The following USP43 variants were observed in gnomAD, a reference collection of about 807,000 sequenced individuals.
USP43 encodes ubiquitin specific peptidase 43, also known as ubiquitin carboxyl-terminal hydrolase 43.
A neutral mutation model predicts 90.7 loss-of-function variants in USP43; 33 were observed. That is an observed-to-expected ratio of 0.36 (90% CI 0.28 to 0.49). The LOEUF is 0.49. Ranked by LOEUF, USP43 falls within the 20% of genes least tolerant of loss-of-function variation. The probability of loss-of-function intolerance (pLI) is 0.98; values close to 1 mark genes in which losing one functional copy is unlikely to be tolerated. For synonymous variants in USP43, 598 were observed against 615.8 expected, an observed-to-expected ratio of 0.97 and a Z score of 0.43; for missense variants, 1,274 against 1,476.4, an observed-to-expected ratio of 0.86 and a Z score of 2.25.
At chr17:9,711,306 C>T (rs1477529037) in intron 13 of USP43, among the ~76,000 whole-genome samples, 1 of 152,160 alleles carries the variant, frequency 6.6e-6, no homozygotes, top group African/African-American at 2.4e-5. Context: ...CTGAGTAATA[C>T]AGTACTTTGG....
intron 8 of USP43, among the ~76,000 whole-genome samples, chr17:9,688,054 C>T (rs1284717676): frequency 6.6e-6 from 1 of 152,180 alleles, no homozygotes; most frequent in African/African-American, 2.4e-5. Context: ...GGCGTGATCT[C>T]GGCTCACTGC....
chr17:9,664,569 G>A (rs915642690), intron 2 of USP43, among the ~76,000 whole-genome samples: 1 of 152,140 alleles, frequency 6.6e-6, no homozygotes, highest in African/African-American at 2.4e-5. Context: ...GACTCCATGG[G>A]GGGAGTGATG....
chr17:9,697,248 A>G (rs1192036997), intron 9 of USP43, among the ~76,000 whole-genome samples: 1 of 152,062 alleles, frequency 6.6e-6, no homozygotes, highest in African/African-American at 2.4e-5. Flanking sequence ...TAAAATAAAA[A>G]AGATAAAAAT....
At chr17:9,694,531 G>A (rs953780245) in intron 9 of USP43, among the ~76,000 whole-genome samples, 1 of 152,122 alleles carries the variant, frequency 6.6e-6, no homozygotes, top group Non-Finnish European at 1.5e-5. Flanking sequence ...TCTATAATAT[G>A]ATGGATATGA....
intron 14 of USP43, among the ~76,000 whole-genome samples, chr17:9,714,612 G>A (rs1318616039): frequency 2.6e-5 from 4 of 151,658 alleles, no homozygotes; most frequent in African/African-American, 7.3e-5. Flanking sequence ...GAACCTGGGA[G>A]GTGGAGGTTG....
intron 14 of USP43, among the ~76,000 whole-genome samples, chr17:9,720,422 G>A (rs1916881983): frequency 6.7e-6 from 1 of 148,540 alleles, no homozygotes; most frequent in Admixed American, 6.8e-5. Flanking sequence ...TAGCATATCA[G>A]TTTTCAAATA....
intron 9 of USP43, 124 bp downstream of exon 9, chr17:9,693,354 A>G: frequency 1.3e-6 from 1 of 782,018 alleles, no homozygotes; most frequent in Non-Finnish European, 2.1e-6. Context: ...TTACCTCTCC[A>G]GTACCAGCCG....
intron 2 of USP43, among the ~76,000 whole-genome samples, chr17:9,659,397 G>C (rs1912488067): frequency 6.6e-6 from 1 of 152,122 alleles, no homozygotes; most frequent in South Asian, 2.1e-4. Context: ...AGTTGCTCAA[G>C]GTCACTCAAC....
chr17:9,683,091 T>C, intron 7 of USP43, 133 bp downstream of exon 7: 6 of 1,222,028 alleles, frequency 4.9e-6, no homozygotes, highest in Non-Finnish European at 6.7e-6. Context: ...GGGTCCTTTC[T>C]GATTAAGAGG....
At chr17:9,681,431 A>G (rs1345405780) in intron 6 of USP43, among the ~76,000 whole-genome samples, 2 of 113,724 alleles carry the variant, frequency 1.8e-5, no homozygotes, top group Non-Finnish European at 3.6e-5. Flanking sequence ...AAATATCTAT[A>G]TTATATATAG....
intron 9 of USP43, among the ~76,000 whole-genome samples, chr17:9,699,490 C>T (rs1567671540): frequency 6.6e-6 from 1 of 152,228 alleles, no homozygotes; most frequent in Admixed American, 6.5e-5. Context: ...CATCTGACAT[C>T]CCCCCTTTTC....
At chr17:9,696,858 G>C (rs8077594) in intron 9 of USP43, among the ~76,000 whole-genome samples, 51,777 of 152,146 alleles carry the variant, frequency 0.34, 10,666 homozygotes, top group East Asian at 0.7. Context: ...CCCTCTACTG[G>C]TGAGCCCTCC....
chr17:9,693,067 G>A, intron 8 of USP43, 60 bp from the exon 9 acceptor site: 2 of 1,296,380 alleles, frequency 1.5e-6, no homozygotes, highest in South Asian at 1.3e-5. Flanking sequence ...CCCCTTTAGA[G>A]TCTAATTTAA....
At chr17:9,693,828 A>T (rs1196140596) in intron 9 of USP43, among the ~76,000 whole-genome samples, 1 of 152,120 alleles carries the variant, frequency 6.6e-6, no homozygotes, top group East Asian at 1.9e-4. Flanking sequence ...ACAGAGCAAG[A>T]CTCCATCTCA....
intron 8 of USP43, among the ~76,000 whole-genome samples, chr17:9,692,693 T>C (rs147240723): frequency 6.6e-6 from 1 of 152,352 alleles, no homozygotes; most frequent in African/African-American, 2.4e-5. Flanking sequence ...AATGTATAAA[T>C]ATTTACTTTG....
Position 9,728,732 on chromosome 17 carries a change from T to A in USP43, c.3114T>A (p.Ala1038=). The change falls in exon 15 of 15, where the codon GCT becomes GCA. Residue 1038 remains alanine, a synonymous_variant. Transcript: ENST00000285199. This position sits in a 1 kb window ranked among gnomAD's most constrained non-coding sequence, Gnocchi z 6.2. ...TGAGCCCTGCCATGGACGGGCAGGC[T>A]CCAGGCTCACCTCCTGCCCTCAGGA... The part of the protein sequence containing the change: ...GGLSPAMDGQ[A]PGSPPALRIP... The A allele has an allele frequency of 6.2e-7, 1 of 1,601,238 alleles. No individual in the cohort carries two copies. Among genetic ancestry groups the A allele is most frequent in the Non-Finnish European group, 8.5e-7 (1 of 1,174,340 alleles).
chr17:9,712,035 G>A lies in USP43; in HGVS notation c.2238G>A (p.Arg746=), dbSNP rs749662072. The A allele has an allele frequency of 1.9e-6, 3 of 1,612,716 alleles. No homozygotes were observed. The South Asian group carries it at 3.3e-5, about 18-fold the overall frequency. The part of the protein sequence containing the change: ...LRLGSHAGST[R]GSLLSWSSAP... The stretch of plus-strand genomic sequence containing the variant: ...TCGGGAGCCACGCTGGCAGCACAAG[G>A]GGAAGCCTGCTGTCCTGGAGCTCTG... The change falls in exon 14 of 15, where the codon AGG becomes AGA. Residue 746 remains arginine (R), a synonymous_variant. Coordinates refer to ENST00000285199, the MANE Select transcript of USP43 (RefSeq NM_153210.5).
intron 9 of USP43, among the ~76,000 whole-genome samples, chr17:9,699,486 A>C (rs1342195048): frequency 6.6e-6 from 1 of 152,186 alleles, no homozygotes; most frequent in Non-Finnish European, 1.5e-5. Flanking sequence ...GACTCATCTG[A>C]CATCCCCCCT....
At chr17:9,691,831 G>A (rs1880484686) in intron 8 of USP43, among the ~76,000 whole-genome samples, 1 of 151,896 alleles carries the variant, frequency 6.6e-6, no homozygotes, top group Non-Finnish European at 1.5e-5. Context: ...GATGAGGTCA[G>A]GAGATCGAGA....
Sources: allele counts gnomAD v4.1 joint callset (sites outside exome capture counted in the v4.1 genomes callset), GRCh38; gene constraint gnomAD v4.1.1; non-coding constraint Gnocchi (gnomAD v3.1); transcripts MANE v1.5; gene names NCBI Gene and HGNC (gene_info 2026-07-23, HGNC 2026-07-21).